KANSL1: variants seen among roughly 807,000 people sequenced by gnomAD.
The protein encoded by KANSL1 is MLL1/MLL complex subunit KANSL1.
Under a neutral mutation model 103.6 loss-of-function variants are expected in KANSL1, and 22 were observed. That is an observed-to-expected ratio of 0.21 (90% confidence interval 0.15 to 0.30). KANSL1 has a LOEUF of 0.30. Among genes scored for constraint, KANSL1 ranks in the 10% least tolerant of loss-of-function variants. The pLI is 1.00. For synonymous variants in KANSL1, 600 were observed against 527.6 expected, an observed-to-expected ratio of 1.14 and a Z score of -1.88; for missense variants, 1,337 against 1,399.8, an observed-to-expected ratio of 0.96 and a Z score of 0.72.
At chr17:46,141,243 G>C (rs574355754) in intron 2 of KANSL1, among the ~76,000 whole-genome samples, 1 of 152,304 alleles carries the variant, frequency 6.6e-6, no homozygotes, top group African/African-American at 2.4e-5. Context: ...ACAAGGTGAA[G>C]CAAATGCATT....
chr17:46,066,137 C>A (rs2078368070), intron 6 of KANSL1, among the ~76,000 whole-genome samples: 1 of 152,192 alleles, frequency 6.6e-6, no homozygotes, highest in South Asian at 2.1e-4. Flanking sequence ...GGATTACAGG[C>A]ATGAGCCACT....
chr17:46,043,612 C>G (rs923390621), intron 7 of KANSL1: 5 of 152,184 alleles, frequency 3.3e-5, no homozygotes, highest in Non-Finnish European at 7.3e-5. Context: ...TAACTCCAGA[C>G]AGTTACTGTC....
At chr17:46,106,123 T>C (rs2042555496) in intron 2 of KANSL1, among the ~76,000 whole-genome samples, 1 of 152,214 alleles carries the variant, frequency 6.6e-6, no homozygotes, top group Non-Finnish European at 1.5e-5. Context: ...CTTTCTCACT[T>C]TGAAAATACG....
intron 2 of KANSL1, among the ~76,000 whole-genome samples, chr17:46,143,676 C>T (rs62063212): frequency 0.14 from 21,853 of 150,750 alleles, 2,132 homozygotes; most frequent in Middle Eastern, 0.22. Context: ...TTGTGGCGGG[C>T]GCCTGTAGTC....
chr17:46,068,820 C>A (rs2078474222), intron 4 of KANSL1, among the ~76,000 whole-genome samples: 1 of 152,100 alleles, frequency 6.6e-6, no homozygotes, highest in Non-Finnish European at 1.5e-5. Flanking sequence ...AGTATGAATG[C>A]CAGTCATATA....
chr17:46,187,968 A>T (rs2532242), intron 1 of KANSL1, among the ~76,000 whole-genome samples: 1 of 152,206 alleles, frequency 6.6e-6, no homozygotes, highest in Admixed American at 6.5e-5. Context: ...GCTTAATAAA[A>T]AAAAATATAT....
intron 6 of KANSL1, among the ~76,000 whole-genome samples, chr17:46,063,924 G>C (rs1358696613): frequency 7.0e-6 from 1 of 142,118 alleles, no homozygotes. Flanking sequence ...AAATGTAAAA[G>C]CATTCTGTGT....
intron 2 of KANSL1, among the ~76,000 whole-genome samples, chr17:46,118,466 C>T (rs2043137958): frequency 6.6e-6 from 1 of 152,162 alleles, no homozygotes; most frequent in South Asian, 2.1e-4. Flanking sequence ...AGTTGGAAGC[C>T]CTACACTAGA....
At chr17:46,080,139 GAATA>G (rs970240939) in intron 4 of KANSL1, among the ~76,000 whole-genome samples, 7 of 151,640 alleles carry the variant, frequency 4.6e-5, no homozygotes, top group African/African-American at 1.7e-4. Flanking sequence ...TCAGAAATGA[GAATA>G]AAAAAATTAA....
At position 46,208,592 on chromosome 17, in the gene KANSL1, G is replaced by A. The variant is rs912479262; in HGVS notation, c.-90+15079C>T. On this transcript the variant is annotated intron_variant, in intron 1 of 14. Coordinates refer to the KANSL1 transcript ENST00000572904. The stretch of plus-strand genomic sequence containing the variant: ...TCCAAGTGCCACTGCACTCTAGCCT[G>A]GATGACAGAGGGAGACCCTGTCTCA... Among the ~76,000 whole-genome samples, 16 of 149,184 alleles carry A rather than the reference G, an allele frequency of 1.1e-4. No homozygotes were observed. In the South Asian group the frequency reaches 1.3e-3, roughly 12 times the overall value.
chr17:46,188,124 T>C (rs1024063633), intron 1 of KANSL1, among the ~76,000 whole-genome samples: 4 of 152,244 alleles, frequency 2.6e-5, no homozygotes, highest in African/African-American at 9.6e-5. Flanking sequence ...ATACTAGTCA[T>C]CTCCTATGAC....
chr17:46,063,899 T>G (rs1030349445), intron 6 of KANSL1, among the ~76,000 whole-genome samples: 2 of 141,630 alleles, frequency 1.4e-5, no homozygotes, highest in African/African-American at 4.9e-5. Flanking sequence ...GGTGGCGGTT[T>G]TTTTTTTTTT....
intron 2 of KANSL1, among the ~76,000 whole-genome samples, chr17:46,131,800 C>A (rs191063096): frequency 1.3e-5 from 2 of 152,312 alleles, no homozygotes; most frequent in Non-Finnish European, 2.9e-5. Context: ...AGCAACACCA[C>A]CACCACCACC....
intron 6 of KANSL1, among the ~76,000 whole-genome samples, chr17:46,052,671 G>A (rs1049831234): frequency 5.3e-5 from 8 of 151,268 alleles, no homozygotes; most frequent in East Asian, 1.9e-4. Context: ...GTGGCTAGGC[G>A]TGGTGGCTCA....
chr17:46,199,318 C>T (rs1023579474), intron 1 of KANSL1, among the ~76,000 whole-genome samples: 1 of 152,208 alleles, frequency 6.6e-6, no homozygotes, highest in Non-Finnish European at 1.5e-5. Flanking sequence ...GGCATTAAAC[C>T]TAAACCATAC....
intron 1 of KANSL1, among the ~76,000 whole-genome samples, chr17:46,214,268 C>T (rs1450672280): frequency 1.3e-5 from 2 of 152,246 alleles, no homozygotes; most frequent in Non-Finnish European, 2.9e-5. Context: ...ATGCATGTGA[C>T]TCTCAGCTTT....
chr17:46,058,991 G>A (rs2078045864), intron 6 of KANSL1, among the ~76,000 whole-genome samples: 1 of 150,354 alleles, frequency 6.7e-6, no homozygotes, highest in African/African-American at 2.5e-5. Flanking sequence ...AGGTTTCAGT[G>A]AGCCAAGGAT....
intron 2 of KANSL1, chr17:46,170,625 A>G: frequency 1.9e-6 from 1 of 517,394 alleles, no homozygotes; most frequent in Non-Finnish European, 3.3e-6. Flanking sequence ...CTTAGACTTC[A>G]AAAGGAAATT....
intron 2 of KANSL1, among the ~76,000 whole-genome samples, chr17:46,150,065 CAAAAAAAA>C (rs61494872): frequency 9.3e-6 from 1 of 107,720 alleles, no homozygotes; most frequent in Non-Finnish European, 1.8e-5. Flanking sequence ...CTTTCCTTAC[CAAAAAAAA>C]AAAAAAAATA....
Sources: allele counts gnomAD v4.1 joint callset (sites outside exome capture counted in the v4.1 genomes callset), GRCh38; gene constraint gnomAD v4.1.1; transcripts MANE v1.5; gene names NCBI Gene and HGNC (gene_info 2026-07-23, HGNC 2026-07-21).